The following GABRB3 variants were observed in gnomAD, a reference collection of about 807,000 sequenced individuals.
The protein encoded by GABRB3 is gamma-aminobutyric acid type A receptor subunit beta3.
In GABRB3, 14 loss-of-function variants were observed where a neutral mutation model predicts 52.1. The ratio of observed to expected loss-of-function variants is 0.27; its 90% CI spans 0.18 to 0.42. GABRB3 has a LOEUF of 0.42. Ranked by LOEUF, GABRB3 falls within the 10% of genes least tolerant of loss-of-function variation. The pLI, the probability that GABRB3 is intolerant of heterozygous loss-of-function variation, is 1.00. For synonymous variants in GABRB3, 260 were observed against 232.3 expected, an observed-to-expected ratio of 1.12 and a Z score of -1.08; for missense variants, 307 against 609.1, an observed-to-expected ratio of 0.50 and a Z score of 5.22.
At chr15:26,719,548 T>G (rs997773299) in intron 3 of GABRB3, among the ~76,000 whole-genome samples, 1 of 152,238 alleles carries the variant, frequency 6.6e-6, no homozygotes, top group African/African-American at 2.4e-5. Flanking sequence ...TATTCAGCTT[T>G]GAATGGCTGA....
intron 4 of GABRB3, among the ~76,000 whole-genome samples, chr15:26,607,632 A>G (rs1012502873): frequency 6.6e-6 from 1 of 152,168 alleles, no homozygotes; most frequent in African/African-American, 2.4e-5. Flanking sequence ...TACGGGATAT[A>G]AAAACAACTT....
intron 3 of GABRB3, among the ~76,000 whole-genome samples, chr15:26,708,427 A>G (rs1012269255): frequency 9.2e-5 from 14 of 152,212 alleles, no homozygotes; most frequent in African/African-American, 3.1e-4. Flanking sequence ...AGGTGCAGGC[A>G]CTGTACTAGG....
chr15:26,708,698 C>A (rs547102004), intron 3 of GABRB3, among the ~76,000 whole-genome samples: 1 of 152,196 alleles, frequency 6.6e-6, no homozygotes, highest in African/African-American at 2.4e-5. Context: ...TGGAAGATAG[C>A]ACGCCACATC....
upstream of GABRB3, among the ~76,000 whole-genome samples, chr15:26,773,344 C>A (rs1198391889): frequency 2.7e-5 from 4 of 150,700 alleles, no homozygotes; most frequent in Non-Finnish European, 5.9e-5. Flanking sequence ...CTGGGCCGGA[C>A]GCTGCGAGCG....
chr15:26,767,912 T>C (rs567182869), intron 3 of GABRB3, among the ~76,000 whole-genome samples: 101 of 152,324 alleles, frequency 6.6e-4, no homozygotes, highest in African/African-American at 2.3e-3. Flanking sequence ...TGTGTGATTT[T>C]TGTACATGGG....
intron 4 of GABRB3, among the ~76,000 whole-genome samples, chr15:26,604,800 T>A (rs1891719856): frequency 1.3e-5 from 2 of 151,946 alleles, no homozygotes; most frequent in African/African-American, 4.8e-5. Flanking sequence ...CAAGACCTGA[T>A]ACTATGAAAC....
chr15:26,616,921 A>G (rs1461396945), intron 4 of GABRB3, among the ~76,000 whole-genome samples: 1 of 152,052 alleles, frequency 6.6e-6, no homozygotes, highest in Non-Finnish European at 1.5e-5. Context: ...TTTAACAAAG[A>G]CATACAGAGA....
intron 3 of GABRB3, among the ~76,000 whole-genome samples, chr15:26,753,275 C>G (rs1890567370): frequency 6.6e-6 from 1 of 152,154 alleles, no homozygotes; most frequent in Non-Finnish European, 1.5e-5. Context: ...TGAGGGCTAC[C>G]TACGCTGGGT....
intron 3 of GABRB3, among the ~76,000 whole-genome samples, chr15:26,641,453 A>AGC (rs1230280775): frequency 6.6e-6 from 1 of 152,244 alleles, no homozygotes; most frequent in Non-Finnish European, 1.5e-5. Context: ...TGACTGGCAT[A>AGC]GCTGAGGTTC....
At chr15:26,762,990 G>A (rs1890860944) in intron 3 of GABRB3, among the ~76,000 whole-genome samples, 3 of 152,192 alleles carry the variant, frequency 2.0e-5, no homozygotes, top group South Asian at 2.1e-4. Flanking sequence ...ATGCTTAAGA[G>A]CCTCAACAAA....
At chr15:26,733,957 A>G (rs1889997834) in intron 3 of GABRB3, among the ~76,000 whole-genome samples, 1 of 152,162 alleles carries the variant, frequency 6.6e-6, no homozygotes, top group Admixed American at 6.5e-5. Context: ...CCTTTATCTA[A>G]CACCATATAC....
intron 4 of GABRB3, among the ~76,000 whole-genome samples, chr15:26,594,004 A>ATAT (rs1566764220): frequency 1.6e-5 from 2 of 128,334 alleles, no homozygotes; most frequent in Non-Finnish European, 3.1e-5. Context: ...ATATATATAT[A>ATAT]ATAGCCATCC....
chr15:26,727,440 C>T (rs1458403633), intron 3 of GABRB3, among the ~76,000 whole-genome samples: 2 of 152,152 alleles, frequency 1.3e-5, no homozygotes, highest in Non-Finnish European at 2.9e-5. Context: ...AAATTGCCCC[C>T]GATTTGGCCA....
intron 3 of GABRB3, chr15:26,625,665 GT>G (rs1444062392): frequency 5.8e-6 from 1 of 172,842 alleles, no homozygotes; most frequent in Non-Finnish European, 1.2e-5. Flanking sequence ...AATGCTCGAG[GT>G]GGACTCAGGT....
intron 3 of GABRB3, among the ~76,000 whole-genome samples, chr15:26,722,244 T>C (rs1889661279): frequency 6.6e-6 from 1 of 152,152 alleles, no homozygotes; most frequent in African/African-American, 2.4e-5. Context: ...CGTTGTAAGA[T>C]GGTTTCGGGA....
chr15:26,616,148 A>G, intron 4 of GABRB3: 1 of 1,186,988 alleles, frequency 8.4e-7, no homozygotes, highest in Non-Finnish European at 1.1e-6. Context: ...CCAGTGCAAC[A>G]GTAAAAAGAC....
chr15:26,715,118 G>A (rs536722219), intron 3 of GABRB3, among the ~76,000 whole-genome samples: 2 of 152,178 alleles, frequency 1.3e-5, no homozygotes, highest in African/African-American at 2.4e-5. Flanking sequence ...ACCTGGGGGG[G>A]TCTGAGCTTG....
intron 3 of GABRB3, among the ~76,000 whole-genome samples, chr15:26,760,827 A>AC (rs1555383019): frequency 2.0e-5 from 3 of 151,336 alleles, no homozygotes; most frequent in Admixed American, 6.6e-5. Flanking sequence ...ACACACACAC[A>AC]AGCAAACAAA....
At chr15:26,741,338 T>C (rs1287213823) in intron 3 of GABRB3, among the ~76,000 whole-genome samples, 2 of 152,098 alleles carry the variant, frequency 1.3e-5, no homozygotes, top group African/African-American at 4.8e-5. Context: ...ACAGTGCCAT[T>C]ACCAGACACT....
Sources: allele counts gnomAD v4.1 joint callset (sites outside exome capture counted in the v4.1 genomes callset), GRCh38; gene constraint gnomAD v4.1.1; transcripts MANE v1.5; gene names NCBI Gene and HGNC (gene_info 2026-07-23, HGNC 2026-07-21).